Variants in TMTC2 observed in about 807,000 individuals in gnomAD.
TMTC2 encodes the protein transmembrane O-mannosyltransferase targeting cadherins 2.
In TMTC2, 43 loss-of-function variants were observed where a neutral mutation model predicts 82.4. The observed-to-expected ratio is 0.52, with a 90% CI of 0.41 to 0.67. The LOEUF is 0.67. Among genes scored for constraint, TMTC2 ranks in the 30% least tolerant of loss-of-function variants. The probability of loss-of-function intolerance (pLI) is 0.00; values close to 1 mark genes in which losing one functional copy is unlikely to be tolerated. For missense variants in TMTC2, 919 were observed against 1,012.4 expected (o/e 0.91, Z 1.25); for synonymous variants, 408 against 381.9 (o/e 1.07, Z -0.80).
In TMTC2 at chr12:83,088,966, T is replaced by A. The variant is rs1277067198; in HGVS notation, c.2331+27135T>A. ...ATGAATCCACCCTCCAGAAAATACC[T>A]TTTTAGTTAGCAAATATTTAGGGCA... On this transcript the variant is annotated intron_variant, in intron 11 of 11. Coordinates refer to ENST00000321196, the MANE Select transcript of TMTC2 (RefSeq NM_152588.3). Among the ~76,000 whole-genome samples the A allele has an allele frequency of 5.9e-5, 9 of 152,188 alleles. No homozygotes were observed. The East Asian group carries it at 1.7e-3, about 29-fold the overall frequency.
intron 2 of TMTC2, among the ~76,000 whole-genome samples, chr12:82,865,582 G>A (rs1458027547): frequency 6.6e-6 from 1 of 152,110 alleles, no homozygotes; most frequent in African/African-American, 2.4e-5. Context: ...ACACCCCACT[G>A]TCAACATTAG....
chr12:82,883,055 CAAAAAAAAAAAAA>C (rs66496024), intron 2 of TMTC2, among the ~76,000 whole-genome samples: 22,129 of 68,826 alleles, frequency 0.32, 3,819 homozygotes, highest in African/African-American at 0.53. Context: ...AACTTGGTCT[CAAAAAAAAAAAAA>C]AAAAAAAAAA....
chr12:82,878,982 C>G (rs1872701063), intron 2 of TMTC2, among the ~76,000 whole-genome samples: 1 of 152,164 alleles, frequency 6.6e-6, no homozygotes, highest in Non-Finnish European at 1.5e-5. Flanking sequence ...GAGTCGCTGT[C>G]TCTTGGTGAA....
chr12:83,049,393 A>C (rs1239986543), intron 9 of TMTC2, among the ~76,000 whole-genome samples: 2 of 152,092 alleles, frequency 1.3e-5, no homozygotes, highest in Non-Finnish European at 2.9e-5. Context: ...GCTCCCACTT[A>C]TAAGTGAGAA....
intron 3 of TMTC2, among the ~76,000 whole-genome samples, chr12:82,916,947 A>C (rs896582975): frequency 1.3e-5 from 2 of 152,196 alleles, no homozygotes; most frequent in African/African-American, 4.8e-5. Context: ...TCTTCTACTT[A>C]ATATTTTAAC....
chr12:82,809,591 A>G (rs1355167555), intron 1 of TMTC2, among the ~76,000 whole-genome samples: 2 of 152,142 alleles, frequency 1.3e-5, no homozygotes, highest in Non-Finnish European at 2.9e-5. Flanking sequence ...TAAAAATCTT[A>G]TTGCTGTTAG....
At chr12:82,687,711 C>G (rs760357358) in intron 1 of TMTC2, 42 bp downstream of exon 1, 1 of 1,564,228 alleles carries the variant, frequency 6.4e-7, no homozygotes, top group Admixed American at 1.9e-5. Flanking sequence ...GCAGGGGGCA[C>G]ACTCCGCAGT....
intron 1 of TMTC2, among the ~76,000 whole-genome samples, chr12:82,800,571 A>G (rs1405753298): frequency 6.6e-6 from 1 of 152,200 alleles, no homozygotes; most frequent in Non-Finnish European, 1.5e-5. Flanking sequence ...AAAAAGGTAA[A>G]TGTCAGAATT....
chr12:82,891,008 T>C (rs1267596468), intron 2 of TMTC2, among the ~76,000 whole-genome samples: 2 of 152,216 alleles, frequency 1.3e-5, no homozygotes, highest in Admixed American at 6.5e-5. Flanking sequence ...ATTCATGCCT[T>C]ATCTATACTT....
chr12:83,079,416 T>C (rs1295110888), intron 11 of TMTC2, among the ~76,000 whole-genome samples: 1 of 152,212 alleles, frequency 6.6e-6, no homozygotes, highest in Non-Finnish European at 1.5e-5. Flanking sequence ...AAATAGATAG[T>C]GCATTTTCCA....
chr12:83,074,644 A>G (rs1329198479), intron 11 of TMTC2, among the ~76,000 whole-genome samples: 2 of 151,954 alleles, frequency 1.3e-5, no homozygotes, highest in Non-Finnish European at 1.5e-5. Flanking sequence ...CACAGGCCTC[A>G]CCCAGGTCCC....
At chr12:82,713,004 G>A (rs1190062059) in intron 1 of TMTC2, among the ~76,000 whole-genome samples, 3 of 152,130 alleles carry the variant, frequency 2.0e-5, no homozygotes, top group South Asian at 2.1e-4. Context: ...AGAACTTGGC[G>A]ATGATGTGAA....
intron 11 of TMTC2, among the ~76,000 whole-genome samples, chr12:83,076,248 A>T (rs192049374): frequency 6.6e-6 from 1 of 152,340 alleles, no homozygotes; most frequent in Non-Finnish European, 1.5e-5. Context: ...ATTCACAACC[A>T]GAAAGATCAA....
intron 8 of TMTC2, among the ~76,000 whole-genome samples, chr12:83,012,558 AAC>A (rs1204474017): frequency 6.6e-6 from 1 of 152,188 alleles, no homozygotes; most frequent in Non-Finnish European, 1.5e-5. Flanking sequence ...TCAGTAAAAT[AAC>A]ATGGTAGTCC....
At chr12:83,004,722 ATTTTTT>A (rs528076999) in intron 8 of TMTC2, among the ~76,000 whole-genome samples, 3 of 36,028 alleles carry the variant, frequency 8.3e-5, no homozygotes, top group Admixed American at 4.5e-4. Context: ...TACTGGCCGA[ATTTTTT>A]TTTTTTTTTT....
At position 82,896,655 on chromosome 12, in the gene TMTC2, T is replaced by C; in HGVS notation, c.1483+9T>C. The C allele has an allele frequency of 6.3e-7, 1 of 1,581,146 alleles. No homozygotes were observed. The highest frequency in any genetic ancestry group is 1.4e-5 in the African/African-American group (1 of 73,252). ...AGTAAACCCAGCTAAAGGTAATCTTTTATTTTATGCTTTTGTCTGGATAGT... is the reference window on the plus strand; with the variant it reads ...AGTAAACCCAGCTAAAGGTAATCTTCTATTTTATGCTTTTGTCTGGATAGT... On this transcript the variant is annotated intron_variant, in intron 3 of 11. Coordinates refer to ENST00000321196, the MANE Select transcript of TMTC2 (RefSeq NM_152588.3).
chr12:82,780,508 A>G (rs926157112), intron 1 of TMTC2, among the ~76,000 whole-genome samples: 3 of 152,010 alleles, frequency 2.0e-5, no homozygotes, highest in African/African-American at 4.8e-5. Context: ...TCATACCGAT[A>G]CCTTGTGATG....
chr12:83,072,948 G>A (rs932886644), intron 11 of TMTC2, among the ~76,000 whole-genome samples: 1 of 152,014 alleles, frequency 6.6e-6, no homozygotes, highest in Admixed American at 6.5e-5. Context: ...CCATTCTGTG[G>A]TTCTTTTAAG....
intron 1 of TMTC2, among the ~76,000 whole-genome samples, chr12:82,822,826 A>G (rs1368079936): frequency 6.6e-6 from 1 of 152,146 alleles, no homozygotes; most frequent in Non-Finnish European, 1.5e-5. Context: ...TGTGCTTCGT[A>G]TAGCTGGGCA....
Sources: gnomAD v4.1 joint callset for allele counts (sites outside exome capture counted in the v4.1 genomes callset) on GRCh38, gnomAD v4.1.1 for gene constraint, MANE v1.5 for transcripts, NCBI Gene and HGNC (gene_info 2026-07-23, HGNC 2026-07-21) for gene names.